Variants in CCDC148 observed in about 807,000 individuals in gnomAD.
CCDC148 encodes the protein coiled-coil domain containing 148.
Under a neutral mutation model 85.7 loss-of-function variants are expected in CCDC148, and 89 were observed. The observed-to-expected ratio is 1.04, with a 90% CI of 0.87 to 1.24. The LOEUF is 1.24. Ranked by LOEUF, CCDC148 falls within the 50% of genes most tolerant of loss-of-function variation. CCDC148 has a pLI of 0.00. For synonymous variants in CCDC148, 230 were observed against 213.9 expected (o/e 1.08, Z -0.66); for missense variants, 692 against 671.7 (o/e 1.03, Z -0.33).
chr2:158,278,109 T>A (rs547153381), intron 9 of CCDC148, among the ~76,000 whole-genome samples: 2 of 152,344 alleles, frequency 1.3e-5, no homozygotes, highest in South Asian at 2.1e-4. Flanking sequence ...ACTCATTTTT[T>A]AAAACATAAA....
At chr2:158,223,798 T>C (rs1209640041) in intron 10 of CCDC148, among the ~76,000 whole-genome samples, 7 of 151,776 alleles carry the variant, frequency 4.6e-5, no homozygotes, top group Non-Finnish European at 7.4e-5. Flanking sequence ...AGAAAAGACA[T>C]CCAAAGCAAA....
chr2:158,375,387 T>A (rs1018367299), intron 1 of CCDC148, among the ~76,000 whole-genome samples: 1 of 152,152 alleles, frequency 6.6e-6, no homozygotes, highest in Admixed American at 6.6e-5. Flanking sequence ...GCTTTTCTTC[T>A]GATTAATGGT....
At chr2:158,317,877 A>G (rs1390472959) in intron 7 of CCDC148, among the ~76,000 whole-genome samples, 1 of 152,236 alleles carries the variant, frequency 6.6e-6, no homozygotes, top group Non-Finnish European at 1.5e-5. Context: ...AGCTGATGCA[A>G]TAGTGAACCT....
At chr2:158,404,073 C>G (rs1020077498) in intron 1 of CCDC148, among the ~76,000 whole-genome samples, 4 of 152,082 alleles carry the variant, frequency 2.6e-5, no homozygotes, top group African/African-American at 9.7e-5. Context: ...ATGCTCTGTG[C>G]AGTAATAAAA....
rs951969033 is a variant in CCDC148, at chr2:158,199,541, G to A, written c.1371-20545C>T. Among the ~76,000 whole-genome samples, 9 of 152,086 alleles carry A rather than the reference G, an allele frequency of 5.9e-5. No individual in the cohort carries two copies. The South Asian group carries it at 1.5e-3, about 25-fold the overall frequency. ...ATTACAAGTGTGAGCCACCACGTCC[G>A]GCCTTTGATATTAATTTAAAACCAG... On this transcript the variant is annotated intron_variant, in intron 11 of 13. Coordinates refer to ENST00000283233, the MANE Select transcript of CCDC148 (RefSeq NM_138803.4).
Position 158,176,577 on chromosome 2 carries a change from C to A in CCDC148, c.1573G>T (p.Glu525Ter), listed in dbSNP as rs369752048. 2 of 1,611,964 alleles carry A rather than the reference C, an allele frequency of 1.2e-6. No homozygotes were observed. Among genetic ancestry groups the A allele is most frequent in the African/African-American group, 1.3e-5 (1 of 74,804 alleles). Residue 525 changes from glutamate to a stop codon, truncating the protein, a stop_gained, in exon 13 of 14, where the codon GAA becomes TAA. Coordinates refer to ENST00000283233, the MANE Select transcript of CCDC148 (RefSeq NM_138803.4). LOFTEE classifies it high-confidence loss of function. Reference protein sequence around the residue: ...SKARMGIEIEEEFILQKPLFT... With the variant: ...SKARMGIEIE ...AGTGGCTTTTGAAGAATAAATTCTT[C>A]TTCAATTTCAATGCCCATTCTAGCT...
intron 9 of CCDC148, among the ~76,000 whole-genome samples, chr2:158,272,393 T>C (rs1442548577): frequency 6.6e-6 from 1 of 152,146 alleles, no homozygotes; most frequent in African/African-American, 2.4e-5. Context: ...AGGTGAAGTA[T>C]AGTTCTCGGA....
Position 158,172,130 on chromosome 2 carries a change from T to C in CCDC148, c.1759A>G (p.Thr587Ala). 1 of 1,605,920 alleles carries C rather than the reference T, an allele frequency of 6.2e-7. No individual in the cohort carries two copies. Among genetic ancestry groups the C allele is most frequent in the Non-Finnish European group, 8.5e-7 (1 of 1,176,024 alleles). The stretch of plus-strand genomic sequence containing the variant: ...GATGAGCTCTATATTTTAAATACAG[T>C]AGACTCCATGTCCTTTCTTGGAGGT... ...QKPPRKDMES[T>A]VFKI The change falls in exon 14 of 14, where the codon ACT becomes GCT. Residue 587 changes from threonine to alanine, a missense_variant. Coordinates refer to ENST00000283233, the MANE Select transcript of CCDC148 (RefSeq NM_138803.4).
At chr2:158,251,932 T>G (rs1688809114) in intron 9 of CCDC148, among the ~76,000 whole-genome samples, 1 of 151,776 alleles carries the variant, frequency 6.6e-6, no homozygotes, top group East Asian at 1.9e-4. Context: ...AACCTTTCTG[T>G]GCTGGGTGAC....
chr2:158,409,551 T>C (rs903505130), intron 1 of CCDC148, among the ~76,000 whole-genome samples: 2 of 152,198 alleles, frequency 1.3e-5, no homozygotes, highest in Admixed American at 6.5e-5. Context: ...TATCCAATGC[T>C]TGTACCCCCA....
At chr2:158,290,390 G>A (rs1402061680) in intron 9 of CCDC148, among the ~76,000 whole-genome samples, 2 of 152,120 alleles carry the variant, frequency 1.3e-5, no homozygotes, top group African/African-American at 2.4e-5. Flanking sequence ...CCATTATCAT[G>A]CCTACAGTTC....
In CCDC148 at chr2:158,179,166, A is replaced by ATTTTTTTTTTTTTTTTT. The variant is rs10699879; in HGVS notation, c.1371-187_1371-171dup. ...ATAAAAGACACTCATATAAAATGCAATTTTTTTTTTTTTTTTTTTTTTTGA... is the reference window on the plus strand; with the variant it reads ...ATAAAAGACACTCATATAAAATGCAATTTTTTTTTTTTTTTTTTTTTTTTTTTTTTTTTTTTTTTTGA... On this transcript the variant is annotated intron_variant, in intron 11 of 13. Transcript: ENST00000283233. 6.0e-5 allele frequency among the ~76,000 whole-genome samples: 5 copies of ATTTTTTTTTTTTTTTTT among 82,806 alleles called. 1 individual carries two copies. The highest frequency in any genetic ancestry group is 9.1e-5 in the African/African-American group (2 of 21,858). 54.3% of individuals were successfully genotyped at this position (82,806 alleles called of 152,430 possible).
chr2:158,243,526 C>T (rs1009058124), intron 10 of CCDC148, among the ~76,000 whole-genome samples: 1 of 152,132 alleles, frequency 6.6e-6, no homozygotes, highest in African/African-American at 2.4e-5. Context: ...ATAATCTCGT[C>T]TCTCTCGGTC....
At chr2:158,298,971 A>G (rs976831257) in intron 9 of CCDC148, among the ~76,000 whole-genome samples, 2 of 152,114 alleles carry the variant, frequency 1.3e-5, no homozygotes, top group African/African-American at 4.8e-5. Context: ...GGGTTATGTT[A>G]TATTTCTCTA....
At chr2:158,195,581 A>T (rs1215868730) in intron 11 of CCDC148, among the ~76,000 whole-genome samples, 1 of 152,244 alleles carries the variant, frequency 6.6e-6, no homozygotes, top group Non-Finnish European at 1.5e-5. Context: ...AGAGGGACCC[A>T]TTGTCCCTAG....
intron 9 of CCDC148, among the ~76,000 whole-genome samples, chr2:158,261,937 A>G (rs1237634690): frequency 6.6e-6 from 1 of 152,126 alleles, no homozygotes; most frequent in Admixed American, 6.6e-5. Flanking sequence ...TAGTTCAACC[A>G]TTATGGAAAG....
chr2:158,381,495 G>C (rs1421960680), intron 1 of CCDC148, among the ~76,000 whole-genome samples: 1 of 152,140 alleles, frequency 6.6e-6, no homozygotes, highest in African/African-American at 2.4e-5. Context: ...GGAGCAACCA[G>C]AGCGTTCACA....
At chr2:158,435,831 T>C (rs1687621369) in intron 1 of CCDC148, among the ~76,000 whole-genome samples, 1 of 152,016 alleles carries the variant, frequency 6.6e-6, no homozygotes, top group South Asian at 2.1e-4. Context: ...GCAATCCTAG[T>C]CTCTGATAAA....
At chr2:158,311,176 G>T (rs888431282) in intron 8 of CCDC148, among the ~76,000 whole-genome samples, 6 of 152,206 alleles carry the variant, frequency 3.9e-5, no homozygotes, top group African/African-American at 1.4e-4. Context: ...CTCCAGCCTG[G>T]GCAACATTGA....
Sources: gnomAD v4.1 joint callset for allele counts (sites outside exome capture counted in the v4.1 genomes callset) on GRCh38, gnomAD v4.1.1 for gene constraint, MANE v1.5 for transcripts, NCBI Gene and HGNC (gene_info 2026-07-23, HGNC 2026-07-21) for gene names.